Variants in GTF3C2 observed in about 807,000 individuals in gnomAD.
The protein encoded by GTF3C2 is general transcription factor 3C polypeptide 2.
In GTF3C2, 17 loss-of-function variants were observed where a neutral mutation model predicts 117.4. The observed-to-expected ratio is 0.14, with a 90% CI of 0.10 to 0.22. The LOEUF is 0.22. GTF3C2 is among the 10% of genes least tolerant of loss of function. The pLI, the probability that GTF3C2 is intolerant of heterozygous loss-of-function variation, is 1.00. For synonymous variants in GTF3C2, 437 were observed against 427.0 expected, an observed-to-expected ratio of 1.02 and a Z score of -0.29; for missense variants, 888 against 1,143.6, an observed-to-expected ratio of 0.78 and a Z score of 3.22.
intron 1 of GTF3C2, among the ~76,000 whole-genome samples, chr2:27,351,196 A>G (rs1572585571): frequency 6.6e-6 from 1 of 152,024 alleles, no homozygotes; most frequent in Admixed American, 6.6e-5. Flanking sequence ...CGGATCACCT[A>G]AGGTCAGGAG....
chr2:27,335,803 GA>G, intron 9 of GTF3C2, 97 bp from the exon 10 acceptor site: 1 of 1,081,738 alleles, frequency 9.2e-7, no homozygotes, highest in Non-Finnish European at 1.4e-6. Context: ...GAAGTTGCTG[GA>G]AAAACTCCAT....
chr2:27,350,596 T>G (rs1681096334), intron 1 of GTF3C2: 1 of 696,562 alleles, frequency 1.4e-6, no homozygotes, highest in Non-Finnish European at 1.8e-6. Flanking sequence ...GGCCAGGAGT[T>G]CAAGATCAGC....
intron 1 of GTF3C2, 38 bp from the exon 2 acceptor site, chr2:27,343,616 A>G (rs921208005): frequency 1.3e-6 from 2 of 1,528,706 alleles, no homozygotes; most frequent in African/African-American, 2.7e-5. Context: ...GAGGACAAAA[A>G]CTATTTGTAC....
In GTF3C2 at chr2:27,329,974, G is replaced by A. The variant is rs1237628670; in HGVS notation, c.1733-451C>T. 1.3e-5 allele frequency among the ~76,000 whole-genome samples: 2 copies of A among 150,628 alleles called. No individual in the cohort carries two copies. Among genetic ancestry groups the A allele is most frequent in the South Asian group, 2.1e-4 (1 of 4,750 alleles). On this transcript the variant is annotated intron_variant, in intron 12 of 18. Coordinates refer to ENST00000264720, the Ensembl canonical transcript of GTF3C2. The surrounding 1 kb of genome is among the most constrained non-coding windows in gnomAD (Gnocchi z 4.5). ...AGCCTGATCAACATGGTGAAACCCC[G>A]TCTCTACTAAAAATACAAAAAATTG...
intron 1 of GTF3C2, chr2:27,350,342 ACCT>A: frequency 2.3e-6 from 2 of 882,702 alleles, no homozygotes; most frequent in Non-Finnish European, 1.4e-6. Flanking sequence ...TGGGGCCAGC[ACCT>A]TGTGTTTTAA....
exon 3 of GTF3C2, chr2:27,342,950 C>G: frequency 6.2e-7 from 1 of 1,614,172 alleles, no homozygotes; most frequent in South Asian, 1.1e-5. Context: ...AGCAGCTCTG[C>G]CTTGGACTTT....
At chr2:27,352,613 T>C (rs547580637) in intron 1 of GTF3C2, among the ~76,000 whole-genome samples, 1 of 152,240 alleles carries the variant, frequency 6.6e-6, no homozygotes, top group African/African-American at 2.4e-5. Flanking sequence ...CCCATATTCC[T>C]CCTTCCACTA....
chr2:27,332,147 T>G (rs1320401196), intron 12 of GTF3C2, among the ~76,000 whole-genome samples: 1 of 152,136 alleles, frequency 6.6e-6, no homozygotes. Context: ...TAATACATTT[T>G]TAGAATACTT....
At chr2:27,335,885 C>T in intron 9 of GTF3C2, 32 bp downstream of exon 9, 1 of 1,419,578 alleles carries the variant, frequency 7.0e-7, no homozygotes, top group Non-Finnish European at 1.0e-6. Flanking sequence ...GCTTTGAGTC[C>T]TAGGGCCATC....
At chr2:27,334,084 G>A (rs553151761) in intron 10 of GTF3C2, 85 bp from the exon 11 acceptor site, 1 of 981,770 alleles carries the variant, frequency 1.0e-6, no homozygotes, top group East Asian at 2.4e-5. Context: ...CGAGTGCAGT[G>A]GCATGATCAT....
Position 27,329,754 on chromosome 2 carries a change from T to C in GTF3C2, c.1733-231A>G, listed in dbSNP as rs999749702. 2.0e-5 allele frequency among the ~76,000 whole-genome samples: 3 copies of C among 152,138 alleles called. No homozygotes were observed. Among genetic ancestry groups the C allele is most frequent in the Non-Finnish European group, 4.4e-5 (3 of 68,020 alleles). On this transcript the variant is annotated intron_variant, in intron 12 of 18. Transcript: ENST00000264720. This position sits in a 1 kb window ranked among gnomAD's most constrained non-coding sequence, Gnocchi z 4.5. ...AAAAAAGTAATAGCTTTGTCTGGAA[T>C]CTACAGTTGAAAAATGATAGGGTGA...
At position 27,335,450 on chromosome 2, in the gene GTF3C2, C is replaced by T. The variant is rs1284708577; in HGVS notation, c.1576+148G>A. 4.2e-6 allele frequency: 3 copies of T among 715,206 alleles called. No individual in the cohort carries two copies. The South Asian group carries it at 4.5e-5, about 11-fold the overall frequency. The allele number at this position is 715,206 out of a possible 1,614,324, so 44.3% of individuals were successfully genotyped here. A position where few individuals can be genotyped will look rare whatever the true frequency, so the allele number is the denominator to read the frequency against. Reference sequence around the variant, plus strand: ...AAAGAGAGAGGGCTCAAGAACAAACCTGAGTCACAATGCAGGGTGTGTGTG... The same window carrying T: ...AAAGAGAGAGGGCTCAAGAACAAACTTGAGTCACAATGCAGGGTGTGTGTG... On this transcript the variant is annotated intron_variant, in intron 10 of 18. Coordinates refer to ENST00000264720, the Ensembl canonical transcript of GTF3C2.
intron 1 of GTF3C2, among the ~76,000 whole-genome samples, chr2:27,348,196 G>A (rs1260722145): frequency 6.6e-6 from 1 of 152,098 alleles, no homozygotes; most frequent in Non-Finnish European, 1.5e-5. Context: ...GAACCCGGGA[G>A]GCAGAGGTTG....
intron 3 of GTF3C2, 200 bp downstream of exon 3, chr2:27,342,626 T>G: frequency 1.7e-6 from 1 of 588,034 alleles, no homozygotes; most frequent in East Asian, 2.8e-5. Flanking sequence ...GTACAGACAA[T>G]AATTCTTAGA....
intron 17 of GTF3C2, 81 bp from the exon 18 acceptor site, chr2:27,327,365 C>G: frequency 1.4e-6 from 1 of 700,568 alleles, no homozygotes; most frequent in Admixed American, 2.4e-5. Context: ...CTCTGTCACC[C>G]AGGCTGGAGT....
At chr2:27,331,535 C>A (rs1256332950) in intron 12 of GTF3C2, among the ~76,000 whole-genome samples, 1 of 152,048 alleles carries the variant, frequency 6.6e-6, no homozygotes, top group Non-Finnish European at 1.5e-5. Flanking sequence ...CCATGTTGGC[C>A]AGGATGGTCT....
At chr2:27,343,467 C>G in exon 2 of GTF3C2, 1 of 1,614,158 alleles carries the variant, frequency 6.2e-7, no homozygotes. Flanking sequence ...TGATTTAGCA[C>G]CTCTTGTCCA....
intron 4 of GTF3C2, chr2:27,340,210 A>G (rs1680672842): frequency 1.3e-5 from 2 of 151,924 alleles, no homozygotes; most frequent in Non-Finnish European, 2.9e-5. Context: ...CAGAAACAAA[A>G]GAATTACAAA....
intron 1 of GTF3C2, among the ~76,000 whole-genome samples, chr2:27,343,873 C>A (rs1680829792): frequency 6.6e-6 from 1 of 151,692 alleles, no homozygotes; most frequent in Admixed American, 6.6e-5. Flanking sequence ...CAGCAAGACC[C>A]CTTCTCTAGC....
Sources: allele counts gnomAD v4.1 joint callset (sites outside exome capture counted in the v4.1 genomes callset), GRCh38; gene constraint gnomAD v4.1.1; non-coding constraint Gnocchi (gnomAD v3.1); transcripts MANE v1.5; gene names NCBI Gene and HGNC (gene_info 2026-07-23, HGNC 2026-07-21).